The following KCNQ1 variants were observed in gnomAD, a reference collection of about 807,000 sequenced individuals.
The protein encoded by KCNQ1 is potassium voltage-gated channel subfamily Q member 1, also known as potassium voltage-gated channel subfamily KQT member 1.
In KCNQ1, 49 loss-of-function variants were observed where a neutral mutation model predicts 72.4. That is an observed-to-expected ratio of 0.68 (90% CI 0.54 to 0.86). KCNQ1 has a LOEUF of 0.86. Ranked by LOEUF, KCNQ1 falls within the 40% of genes least tolerant of loss-of-function variation. The pLI is 0.00. For synonymous variants in KCNQ1, 450 were observed against 412.6 expected (o/e 1.09, Z -1.10); for missense variants, 790 against 945.1 (o/e 0.84, Z 2.15).
rs1849952301 is a variant in KCNQ1, at chr11:2,661,322, G to C, written c.1394-639G>C. 5.0e-6 allele frequency: 2 copies of C among 402,268 alleles called. No individual in the cohort carries two copies. The highest frequency in any genetic ancestry group is 4.2e-5 in the Admixed American group (1 of 23,720). The allele number at this position is 402,268 out of a possible 1,614,324, so 24.9% of individuals were successfully genotyped here. A position where few individuals can be genotyped will look rare whatever the true frequency, so the allele number is the denominator to read the frequency against. On this transcript the variant is annotated intron_variant, in intron 10 of 15. Transcript: ENST00000155840. This position sits in a 1 kb window ranked among gnomAD's most constrained non-coding sequence, Gnocchi z 5.9. ...GTCAACAGAGAGTGGGGAGTGATAA[G>C]GATCAGTATCCTGAGCTCCTGTGTC...
rs1286431660 is a variant in KCNQ1, at chr11:2,526,915, C to T, written c.387-1013C>T. On this transcript the variant is annotated intron_variant, in intron 1 of 15. Transcript: ENST00000155840. The surrounding 1 kb of genome is among the most constrained non-coding windows in gnomAD (Gnocchi z 6.1). Reference sequence around the variant, plus strand: ...TGTGTGTGGCTTTCTCTGTTTGTGTCTCCCCTGGCCCTGGGGGCCATGTGG... The same window carrying T: ...TGTGTGTGGCTTTCTCTGTTTGTGTTTCCCCTGGCCCTGGGGGCCATGTGG... Among the ~76,000 whole-genome samples the T allele has an allele frequency of 1.3e-5, 2 of 152,070 alleles. No homozygotes were observed. Among genetic ancestry groups the T allele is most frequent in the African/African-American group, 4.8e-5 (2 of 41,406 alleles).
intron 15 of KCNQ1, among the ~76,000 whole-genome samples, chr11:2,814,556 G>A (rs1847575555): frequency 6.6e-6 from 1 of 151,558 alleles, no homozygotes; most frequent in African/African-American, 2.4e-5. Flanking sequence ...ATGGAGAAAT[G>A]ATGGATAGGT....
At position 2,657,677 on chromosome 11, in the gene KCNQ1, C is replaced by T; in HGVS notation, c.1394-4284C>T. On this transcript the variant is annotated intron_variant, in intron 10 of 15. Coordinates refer to ENST00000155840, the MANE Select transcript of KCNQ1 (RefSeq NM_000218.3). This position sits in a 1 kb window ranked among gnomAD's most constrained non-coding sequence, Gnocchi z 4.8. ...TTTCCCCAGTTTAACTACTAATGTC[C>T]TTTTTCTGTTCCAAGATCCCATCTA... 1 of 398,572 alleles carries T rather than the reference C, an allele frequency of 2.5e-6. No homozygotes were observed. The allele number at this position is 398,572 out of a possible 1,614,324, so 24.7% of individuals were successfully genotyped here.
chr11:2,509,027 A>T lies in KCNQ1; in HGVS notation c.387-18901A>T, dbSNP rs1401171319. On this transcript the variant is annotated intron_variant, in intron 1 of 15. Coordinates refer to ENST00000155840, the MANE Select transcript of KCNQ1 (RefSeq NM_000218.3). The surrounding 1 kb of genome is among the most constrained non-coding windows in gnomAD (Gnocchi z 6.3). ...AGTCTGCATGGGATTTGACTGAGCA[A>T]TCTGGAAGGCTTCCTGGAGGAGGAG... Among the ~76,000 whole-genome samples the T allele has an allele frequency of 2.0e-5, 3 of 152,206 alleles. No individual in the cohort carries two copies. Among genetic ancestry groups the T allele is most frequent in the Non-Finnish European group, 4.4e-5 (3 of 68,036 alleles).
intron 10 of KCNQ1, chr11:2,629,463 G>A (rs1849316771): frequency 2.5e-6 from 1 of 398,380 alleles, no homozygotes; most frequent in Admixed American, 4.4e-5. Flanking sequence ...ATAGTTTTAG[G>A]TCTTACATTT....
intron 10 of KCNQ1, chr11:2,641,246 T>G (rs1347385390): frequency 2.5e-6 from 1 of 398,318 alleles, no homozygotes; most frequent in Non-Finnish European, 4.4e-6. Context: ...ATCAAACTGT[T>G]TTCTATAGTA....
chr11:2,617,108 A>C lies in KCNQ1; in HGVS notation c.1393+28254A>C. ...GAGTGAGAAAAGCTATGATCTACTCAATTGGCAAAAATTCCAAATGCAATA... is the reference window on the plus strand; with the variant it reads ...GAGTGAGAAAAGCTATGATCTACTCCATTGGCAAAAATTCCAAATGCAATA... On this transcript the variant is annotated intron_variant, in intron 10 of 15. Coordinates refer to ENST00000155840, the MANE Select transcript of KCNQ1 (RefSeq NM_000218.3). This position sits in a 1 kb window ranked among gnomAD's most constrained non-coding sequence, Gnocchi z 4.6. The C allele has an allele frequency of 5.0e-6, 2 of 398,280 alleles. No homozygotes were observed. The highest frequency in any genetic ancestry group is 4.4e-5 in the Admixed American group (1 of 22,708). The allele number at this position is 398,280 out of a possible 1,614,324, so 24.7% of individuals were successfully genotyped here.
rs1381173964 is a variant in KCNQ1 at position 2,803,488 on chromosome 11, A to G, written c.1794+25451A>G. Among the ~76,000 whole-genome samples, 2 of 152,144 alleles carry G rather than the reference A, an allele frequency of 1.3e-5. No homozygotes were observed. The highest frequency in any genetic ancestry group is 2.9e-5 in the Non-Finnish European group (2 of 68,006). On this transcript the variant is annotated intron_variant, in intron 15 of 15. Coordinates refer to ENST00000155840, the MANE Select transcript of KCNQ1 (RefSeq NM_000218.3). The surrounding 1 kb of genome is among the most constrained non-coding windows in gnomAD (Gnocchi z 6.4). ...GCTTTAGGGGTACCCAGGTGGTGTG[A>G]TGGGGAGCAGGAGCCAGTTGTTCCC...
chr11:2,572,208 C>T (rs145691013), intron 5 of KCNQ1, 99 bp downstream of exon 5: 496 of 897,188 alleles, frequency 5.5e-4, no homozygotes, highest in Middle Eastern at 9.0e-4. Flanking sequence ...GCTGAGGCCC[C>T]GGGGGCCGGT....
In KCNQ1 at chr11:2,818,698, C is replaced by T. The variant is rs574218675; in HGVS notation, c.1795-29069C>T. Among the ~76,000 whole-genome samples the T allele has an allele frequency of 6.6e-6, 1 of 152,302 alleles. No homozygotes were observed. The highest frequency in any genetic ancestry group is 2.4e-5 in the African/African-American group (1 of 41,570). On this transcript the variant is annotated intron_variant, in intron 15 of 15. Transcript: ENST00000155840. This position sits in a 1 kb window ranked among gnomAD's most constrained non-coding sequence, Gnocchi z 7.2. ...CCACCTGTTGGGTCCTTAGCACCAGCTGCCCAGAGCCCCCAGCCCCTACCC... is the reference window on the plus strand; with the variant it reads ...CCACCTGTTGGGTCCTTAGCACCAGTTGCCCAGAGCCCCCAGCCCCTACCC...
At chr11:2,585,905 TG>T (rs1848585402) in intron 8 of KCNQ1, among the ~76,000 whole-genome samples, 1 of 152,196 alleles carries the variant, frequency 6.6e-6, no homozygotes, top group African/African-American at 2.4e-5. Flanking sequence ...TCTGGGATGC[TG>T]GGCTCTGGCT....
chr11:2,578,559 G>T (rs558846342), intron 6 of KCNQ1, among the ~76,000 whole-genome samples: 67 of 152,382 alleles, frequency 4.4e-4, no homozygotes, highest in Non-Finnish European at 7.6e-4. Context: ...AGGGGAGCAG[G>T]CCTGGGAGGG....
At chr11:2,717,850 CT>C (rs1449743505) in intron 11 of KCNQ1, among the ~76,000 whole-genome samples, 4 of 152,150 alleles carry the variant, frequency 2.6e-5, no homozygotes, top group African/African-American at 9.7e-5. Context: ...GAGGAACCCC[CT>C]CTCCCCCGAT....
chr11:2,523,755 T>TTTTG (rs943479741), intron 1 of KCNQ1, among the ~76,000 whole-genome samples: 2 of 145,382 alleles, frequency 1.4e-5, no homozygotes, highest in African/African-American at 2.6e-5. Context: ...TTTACAGTTT[T>TTTTG]TTTTTTTTTT....
At chr11:2,506,339 A>G (rs1847105399) in intron 1 of KCNQ1, among the ~76,000 whole-genome samples, 1 of 152,220 alleles carries the variant, frequency 6.6e-6, no homozygotes, top group South Asian at 2.1e-4. Flanking sequence ...TTTCTCACGT[A>G]ATAGTATTTC....
chr11:2,577,573 C>T (rs1193449389), intron 6 of KCNQ1, among the ~76,000 whole-genome samples: 1 of 152,182 alleles, frequency 6.6e-6, no homozygotes, highest in Middle Eastern at 3.2e-3. Context: ...GGAGGCCTGG[C>T]CCTCGTGAAT....
chr11:2,838,954 GC>G (rs1848144699), intron 15 of KCNQ1, among the ~76,000 whole-genome samples: 1 of 152,148 alleles, frequency 6.6e-6, no homozygotes, highest in African/African-American at 2.4e-5. Context: ...CGACGTTCCT[GC>G]CCGCCTGGCC....
rs1405021997 is a variant in KCNQ1 at position 2,537,034 on chromosome 11, A to G, written c.477+9016A>G. 6.6e-6 allele frequency among the ~76,000 whole-genome samples: 1 copy of G among 151,594 alleles called. No homozygotes were observed. The highest frequency in any genetic ancestry group is 1.5e-5 in the Non-Finnish European group (1 of 67,934). On this transcript the variant is annotated intron_variant, in intron 2 of 15. Transcript: ENST00000155840. This position sits in a 1 kb window ranked among gnomAD's most constrained non-coding sequence, Gnocchi z 5.2. The stretch of plus-strand genomic sequence containing the variant: ...GTCTTACTGGATTGGAGGCTACCCT[A>G]CTCCACTGTGACCCCCCTCCTAACT...
chr11:2,512,151 T>A (rs1847217341), intron 1 of KCNQ1, among the ~76,000 whole-genome samples: 1 of 152,130 alleles, frequency 6.6e-6, no homozygotes, highest in Non-Finnish European at 1.5e-5. Context: ...TCGAACAAGA[T>A]TTGCACAAAA....
Sources: allele counts gnomAD v4.1 joint callset (sites outside exome capture counted in the v4.1 genomes callset), GRCh38; gene constraint gnomAD v4.1.1; non-coding constraint Gnocchi (gnomAD v3.1); transcripts MANE v1.5; gene names NCBI Gene and HGNC (gene_info 2026-07-23, HGNC 2026-07-21).